ZNF860: variants seen among roughly 807,000 people sequenced by gnomAD.
ZNF860 encodes zinc finger protein 860.
For synonymous variants in ZNF860, 206 were observed against 248.9 expected, an observed-to-expected ratio of 0.83 and a Z score of 1.62; for missense variants, 641 against 759.2, an observed-to-expected ratio of 0.84 and a Z score of 1.83.
At chr3:31,982,886 C>T (rs754267553) in intron 1 of ZNF860, among the ~76,000 whole-genome samples, 4 of 152,196 alleles carry the variant, frequency 2.6e-5, no homozygotes, top group Non-Finnish European at 4.4e-5. Context: ...TTAGGCTTGG[C>T]CATGGAATTG....
Position 31,989,046 on chromosome 3 carries a change from G to A in ZNF860, c.-34G>A, listed in dbSNP as rs761026422. 6.2e-7 allele frequency: 1 copy of A among 1,611,516 alleles called. No individual in the cohort carries two copies. Among genetic ancestry groups the A allele is most frequent in the Non-Finnish European group, 8.5e-7 (1 of 1,178,458 alleles). On this transcript the variant is annotated 5_prime_UTR_variant, in exon 2 of 2. Coordinates refer to ENST00000360311, the MANE Select transcript of ZNF860 (RefSeq NM_001137674.3). Reference sequence around the variant, plus strand: ...CAGGAAGCAGATCGCCTCAGTGAAGGTCACACTGCAGCACTATTGATTTCT... The same window carrying A: ...CAGGAAGCAGATCGCCTCAGTGAAGATCACACTGCAGCACTATTGATTTCT...
the ZNF860 span, among the ~76,000 whole-genome samples, chr3:32,004,713 A>G: frequency 1.3e-5 from 2 of 152,330 alleles, no homozygotes; most frequent in African/African-American, 4.8e-5. Context: ...AGAGAAGAAA[A>G]CATGGGCTGC....
downstream of ZNF860, among the ~76,000 whole-genome samples, chr3:31,995,410 A>G (rs1454431312): frequency 2.0e-5 from 3 of 152,130 alleles, no homozygotes; most frequent in South Asian, 2.1e-4. Flanking sequence ...TATCTTCCCT[A>G]TTTGCATGTC....
downstream of ZNF860, among the ~76,000 whole-genome samples, chr3:31,993,173 T>C (rs1254253856): frequency 2.4e-3 from 210 of 87,728 alleles, no homozygotes; most frequent in African/African-American, 7.5e-3. Context: ...CCTTATTTTA[T>C]TTTATTTTAT....
In ZNF860 at chr3:31,988,883, A is replaced by G. The variant is rs1698981540; in HGVS notation, c.-197A>G. 1 of 658,092 alleles carries G rather than the reference A, an allele frequency of 1.5e-6. No homozygotes were observed. Among genetic ancestry groups the G allele is most frequent in the Non-Finnish European group, 2.6e-6 (1 of 389,396 alleles). The allele number at this position is 658,092 out of a possible 1,614,324, so 40.8% of individuals were successfully genotyped here. A position where few individuals can be genotyped will look rare whatever the true frequency, so the allele number is the denominator to read the frequency against. ...CCCACAGCTTGACTACAACCCAGAG[A>G]GACACTGAGCCAGGAACACCCAGCT... On this transcript the variant is annotated 5_prime_UTR_variant, in exon 2 of 2. Coordinates refer to ENST00000360311, the MANE Select transcript of ZNF860 (RefSeq NM_001137674.3).
downstream of ZNF860, among the ~76,000 whole-genome samples, chr3:31,993,255 G>A (rs1699053897): frequency 6.7e-6 from 1 of 149,460 alleles, no homozygotes; most frequent in South Asian, 2.1e-4. Context: ...TGTTGACCAG[G>A]CTGGAGTGCA....
At chr3:31,995,589 T>A (rs1409588622), downstream of ZNF860, among the ~76,000 whole-genome samples, 1 of 152,246 alleles carries the variant, frequency 6.6e-6, no homozygotes, top group Non-Finnish European at 1.5e-5. Flanking sequence ...TACAATCAAT[T>A]TGTACAGTTA....
In ZNF860 at chr3:31,990,878, G is replaced by A. The variant is rs1371407740; in HGVS notation, c.1799G>A (p.Gly600Asp). ...AAACATCACAAGTGTGATGATTGTG[G>A]CAAAGCCTTTACTTCACATTCACAT... ...GEKHHKCDDC[G>D]KAFTSHSHRI... Residue 600 changes from glycine to aspartate, a missense_variant, in exon 2 of 2, where the codon GGC becomes GAC. Gly to Asp is a moderately conservative substitution (Grantham distance 94). Coordinates refer to ENST00000360311, the MANE Select transcript of ZNF860 (RefSeq NM_001137674.3). 3.2e-6 allele frequency: 5 copies of A among 1,575,834 alleles called. No individual in the cohort carries two copies. Among genetic ancestry groups the A allele is most frequent in the Non-Finnish European group, 4.3e-6 (5 of 1,159,624 alleles).
Position 31,990,453 on chromosome 3 carries a change from G to C in ZNF860, c.1374G>C (p.Glu458Asp). Residue 458 changes from glutamate (E) to aspartate (D), a missense_variant, in exon 2 of 2, where the codon GAG becomes GAC. By Grantham distance (45) the Glu-to-Asp change is conservative. Transcript: ENST00000360311. ...GAGAGAAACCTTACAAGTGTAATGAGTGTGGCAAGACCTTCCATCACAATT... is the reference window on the plus strand; with the variant it reads ...GAGAGAAACCTTACAAGTGTAATGACTGTGGCAAGACCTTCCATCACAATT... ...HTGEKPYKCN[E>D]CGKTFHHNSA... 1 of 1,568,204 alleles carries C rather than the reference G, an allele frequency of 6.4e-7. No individual in the cohort carries two copies. The highest frequency in any genetic ancestry group is 8.6e-7 in the Non-Finnish European group (1 of 1,158,740).
chr3:32,005,234 T>G, the ZNF860 span, among the ~76,000 whole-genome samples: 1 of 152,184 alleles, frequency 6.6e-6, no homozygotes. Context: ...CCTTGCCCCC[T>G]ATCCCCAACA....
the ZNF860 span, among the ~76,000 whole-genome samples, chr3:31,997,300 C>G: frequency 4.0e-5 from 6 of 151,450 alleles, no homozygotes; most frequent in Admixed American, 2.6e-4. Context: ...CGCCCTCACT[C>G]TGTCGCCAGG....
downstream of ZNF860, among the ~76,000 whole-genome samples, chr3:31,996,462 A>G (rs1699090675): frequency 6.6e-6 from 1 of 151,808 alleles, no homozygotes; most frequent in Non-Finnish European, 1.5e-5. Flanking sequence ...GAGCCAACCT[A>G]TGTGTGATCT....
Position 31,989,717 on chromosome 3 carries a change from A to G in ZNF860, c.638A>G (p.His213Arg), listed in dbSNP as rs778260536. The G allele has an allele frequency of 4.3e-6, 7 of 1,613,872 alleles. No individual in the cohort carries two copies. In the Admixed American group the frequency reaches 6.7e-5, roughly 15 times the overall value. Residue 213 changes from histidine to arginine, a missense_variant, in exon 2 of 2, where the codon CAT becomes CGT. By Grantham distance (29) the His-to-Arg change is conservative. Coordinates refer to ENST00000360311, the MANE Select transcript of ZNF860 (RefSeq NM_001137674.3). ...AATAACTATGAAAATAATTTCTTCC[A>G]TTCATCATTACTCACACTAAAACAG... Reference protein sequence around the residue: ...ISNNYENNFFHSSLLTLKQEV... With the variant: ...ISNNYENNFFRSSLLTLKQEV...
Position 31,991,509 on chromosome 3 carries a change from T to C in ZNF860, c.*531T>C, listed in dbSNP as rs1699029208. 1 of 166,918 alleles carries C rather than the reference T, an allele frequency of 6.0e-6. No individual in the cohort carries two copies. The highest frequency in any genetic ancestry group is 1.5e-5 in the Non-Finnish European group (1 of 68,174). 10.3% of individuals were successfully genotyped at this position (166,918 alleles called of 1,614,324 possible). On this transcript the variant is annotated 3_prime_UTR_variant, in exon 2 of 2. Transcript: ENST00000360311. ...TAAATATTTCTTACTGTAAGTTCTC[T>C]AGCAAATGGAAGTGTTTTCTTAATT...
At chr3:31,994,127 C>T (rs59515125), downstream of ZNF860, among the ~76,000 whole-genome samples, 45,715 of 152,118 alleles carry the variant, frequency 0.3, 8,973 homozygotes, top group African/African-American at 0.55. Flanking sequence ...AAGCCAGACT[C>T]AACCACACAC....
the ZNF860 span, among the ~76,000 whole-genome samples, chr3:31,997,211 A>G: frequency 6.6e-6 from 1 of 152,170 alleles, no homozygotes; most frequent in Non-Finnish European, 1.5e-5. Flanking sequence ...TACAATGTCA[A>G]TAGGCAGTGT....
chr3:32,005,048 CT>C, the ZNF860 span, among the ~76,000 whole-genome samples: 2 of 152,158 alleles, frequency 1.3e-5, no homozygotes, highest in African/African-American at 4.8e-5. Flanking sequence ...TCTGCCGCTT[CT>C]TTCACTCAAC....
chr3:32,002,375 G>T, the ZNF860 span, among the ~76,000 whole-genome samples: 1 of 152,116 alleles, frequency 6.6e-6, no homozygotes, highest in Non-Finnish European at 1.5e-5. Context: ...GAAAAGAAAA[G>T]AATTACAGTA....
At position 31,990,927 on chromosome 3, in the gene ZNF860, T is replaced by C. The variant is rs767365592; in HGVS notation, c.1848T>C (p.His616=). 1.2e-5 allele frequency: 19 copies of C among 1,574,964 alleles called. No individual in the cohort carries two copies. The African/African-American group carries it at 1.9e-4, about 16-fold the overall frequency. ...HSHRIRHQRI[H]TGQKSYKCHK... is the part of the protein sequence containing the mutation. ...ATCGCATTAGACATCAGAGAATCCA[T>C]ACCGGACAGAAATCTTACAAATGTC... The change falls in exon 2 of 2, where the codon CAT becomes CAC. Residue 616 remains histidine, a synonymous_variant. Coordinates refer to ENST00000360311, the MANE Select transcript of ZNF860 (RefSeq NM_001137674.3).
Sources: allele counts gnomAD v4.1 joint callset (sites outside exome capture counted in the v4.1 genomes callset), GRCh38; gene constraint gnomAD v4.1.1; transcripts MANE v1.5; gene names NCBI Gene and HGNC (gene_info 2026-07-23, HGNC 2026-07-21).